Variants in MGAT5 observed in about 807,000 individuals in gnomAD.
MGAT5 encodes alpha-1,6-mannosylglycoprotein 6-beta-N-acetylglucosaminyltransferase.
MGAT5 carries 30 observed loss-of-function variants against 94.3 expected under a neutral mutation model. That is an observed-to-expected ratio of 0.32 (90% confidence interval 0.24 to 0.43). The LOEUF is 0.43. Ranked by LOEUF, MGAT5 falls within the 20% of genes least tolerant of loss-of-function variation. MGAT5 has a pLI of 1.00. For synonymous variants in MGAT5, 310 were observed against 322.9 expected, an observed-to-expected ratio of 0.96 and a Z score of 0.43; for missense variants, 691 against 905.5, an observed-to-expected ratio of 0.76 and a Z score of 3.04.
intron 1 of MGAT5, among the ~76,000 whole-genome samples, chr2:134,171,670 CA>C (rs1688217654): frequency 6.6e-6 from 1 of 152,182 alleles, no homozygotes; most frequent in African/African-American, 2.4e-5. Context: ...ATCTCTTTGT[CA>C]GCCTGTTTGC....
intron 10 of MGAT5, among the ~76,000 whole-genome samples, chr2:134,368,012 AG>A (rs941965144): frequency 2.9e-5 from 4 of 136,784 alleles, no homozygotes; most frequent in African/African-American, 1.1e-4. Flanking sequence ...TGGCTCAAGG[AG>A]GGGGAGTGAC....
At chr2:134,204,768 CT>C (rs1300229432) in intron 1 of MGAT5, among the ~76,000 whole-genome samples, 9 of 152,260 alleles carry the variant, frequency 5.9e-5, no homozygotes, top group Admixed American at 5.9e-4. Flanking sequence ...AGGTATCTCT[CT>C]GGGGATACTA....
At chr2:134,347,105 ATAAATAT>A (rs1279976751) in intron 8 of MGAT5, among the ~76,000 whole-genome samples, 1 of 152,226 alleles carries the variant, frequency 6.6e-6, no homozygotes, top group African/African-American at 2.4e-5. Context: ...GAGGGAAGAC[ATAAATAT>A]TAGCAGCACA....
chr2:134,418,315 A>G (rs942055263), intron 12 of MGAT5, among the ~76,000 whole-genome samples: 7 of 152,198 alleles, frequency 4.6e-5, no homozygotes, highest in Non-Finnish European at 5.9e-5. Context: ...TCACACGGAC[A>G]TTTGGTTCCT....
chr2:134,360,328 C>G (rs1359804055), intron 9 of MGAT5, among the ~76,000 whole-genome samples: 1 of 152,106 alleles, frequency 6.6e-6, no homozygotes, highest in Non-Finnish European at 1.5e-5. Context: ...GAGAATCTTT[C>G]ACACAAAAAT....
chr2:134,362,661 G>T (rs188715446), intron 10 of MGAT5, among the ~76,000 whole-genome samples: 31 of 152,322 alleles, frequency 2.0e-4, no homozygotes, highest in African/African-American at 7.5e-4. Context: ...ACACATTCTA[G>T]CTGCTTTTTC....
chr2:134,387,578 C>T (rs1197172065), intron 10 of MGAT5, among the ~76,000 whole-genome samples: 1 of 151,744 alleles, frequency 6.6e-6, no homozygotes, highest in African/African-American at 2.4e-5. Context: ...GCTGAGCACA[C>T]AGGAGGCAAC....
At chr2:134,149,419 G>GT (rs1687074341) in intron 1 of MGAT5, among the ~76,000 whole-genome samples, 1 of 127,360 alleles carries the variant, frequency 7.9e-6, no homozygotes, top group East Asian at 2.1e-4. Flanking sequence ...GCAAGGGTGA[G>GT]TAAAAAAAAA....
In MGAT5 at chr2:134,189,600, TTG is replaced by T. The variant is rs1471357140; in HGVS notation, c.-142-64660_-142-64659del. ...CTAACCTCATGGCTCTAGTTTTTTT[TTG>T]TTTTTTTTTTTTTTTTTTAAGACAG... On this transcript the variant is annotated intron_variant, in intron 1 of 16. Coordinates refer to the MGAT5 transcript ENST00000409645. Among the ~76,000 whole-genome samples the T allele has an allele frequency of 6.2e-3, 498 of 79,988 alleles. 51 individuals are homozygous for T. The highest frequency in any genetic ancestry group is 0.031 in the African/African-American group (461 of 14,790). The allele number at this position is 79,988 out of a possible 152,430, so 52.5% of individuals were successfully genotyped here.
chr2:134,437,107 G>A (rs756600296), intron 14 of MGAT5, among the ~76,000 whole-genome samples: 35 of 152,304 alleles, frequency 2.3e-4, no homozygotes, highest in Non-Finnish European at 3.1e-4. Context: ...TCCTGTCTTA[G>A]CCTCCTGGGT....
At chr2:134,209,182 A>ATTTTTTTT (rs1680188742) in intron 1 of MGAT5, among the ~76,000 whole-genome samples, 2 of 30,502 alleles carry the variant, frequency 6.6e-5, no homozygotes, top group Non-Finnish European at 8.7e-5. Context: ...TTTTTTTTTT[A>ATTTTTTTT]TTTTTTAATT....
intron 1 of MGAT5, among the ~76,000 whole-genome samples, chr2:134,222,597 G>T (rs925774569): frequency 2.0e-5 from 3 of 152,286 alleles, no homozygotes; most frequent in African/African-American, 4.8e-5. Context: ...TTATAGACTT[G>T]TTAACAGTAG....
In MGAT5 at chr2:134,235,424, G is replaced by A. The variant is rs1346969920; in HGVS notation, c.-142-18838G>A. ...ATTTAAAACGTCTTCCAACATGATC[G>A]TGATACCCAGTGAGGGTTGAGAAAC... On this transcript the variant is annotated intron_variant, in intron 1 of 16. Coordinates refer to the MGAT5 transcript ENST00000409645. Among the ~76,000 whole-genome samples, 8 of 152,238 alleles carry A rather than the reference G, an allele frequency of 5.3e-5. No homozygotes were observed. The South Asian group carries it at 1.7e-3, about 32-fold the overall frequency.
rs186569762 is a variant in MGAT5 at position 134,421,589 on chromosome 2, A to T, written c.1678-1214A>T. The stretch of plus-strand genomic sequence containing the variant: ...ACAAAGCAAAACTCTGTTTCAAAAA[A>T]AAAAAATAAAAAACTAGATTCTCTA... On this transcript the variant is annotated intron_variant, in intron 12 of 15. Transcript: ENST00000281923. 1.5e-3 allele frequency among the ~76,000 whole-genome samples: 224 copies of T among 152,264 alleles called. 2 individuals carry two copies. The highest frequency in any genetic ancestry group is 3.6e-3 in the African/African-American group (150 of 41,544).
chr2:134,228,849 G>A (rs1365834160), intron 1 of MGAT5, among the ~76,000 whole-genome samples: 1 of 152,188 alleles, frequency 6.6e-6, no homozygotes, highest in Non-Finnish European at 1.5e-5. Context: ...CTGCCATCTA[G>A]TGAGTTGTAG....
At chr2:134,206,670 G>A (rs1680035624) in intron 1 of MGAT5, among the ~76,000 whole-genome samples, 1 of 152,158 alleles carries the variant, frequency 6.6e-6, no homozygotes, top group Non-Finnish European at 1.5e-5. Context: ...GGATTGTCAA[G>A]ATGGGCCCTA....
intron 12 of MGAT5, among the ~76,000 whole-genome samples, chr2:134,418,797 C>T (rs3791308): frequency 0.13 from 20,271 of 152,118 alleles, 1,801 homozygotes; most frequent in East Asian, 0.29. Flanking sequence ...CGGGGATACC[C>T]CAAGAAGGTC....
intron 15 of MGAT5, among the ~76,000 whole-genome samples, chr2:134,445,831 C>T (rs557101964): frequency 6.6e-6 from 1 of 152,260 alleles, no homozygotes; most frequent in East Asian, 1.9e-4. Context: ...AAGGCAGGGA[C>T]CCCCTAGGGG....
In MGAT5 at chr2:134,420,245, G is replaced by C. The variant is rs546553702; in HGVS notation, c.1678-2558G>C. 2.6e-5 allele frequency among the ~76,000 whole-genome samples: 4 copies of C among 152,316 alleles called. No individual in the cohort carries two copies. In the South Asian group the frequency reaches 8.3e-4, roughly 32 times the overall value. ...AAACCTGAGAAATAACGTTTGTGCA[G>C]GTGATTAGCAGGAAGCGTAGGGCTT... On this transcript the variant is annotated intron_variant, in intron 12 of 15. Transcript: ENST00000281923.
Sources: allele counts gnomAD v4.1 joint callset (sites outside exome capture counted in the v4.1 genomes callset), GRCh38; gene constraint gnomAD v4.1.1; transcripts MANE v1.5; gene names NCBI Gene and HGNC (gene_info 2026-07-23, HGNC 2026-07-21).